The following ANKRD17 variants were observed in gnomAD, a reference collection of about 807,000 sequenced individuals.
ANKRD17 encodes ankyrin repeat domain 17.
Under a neutral mutation model 229.7 loss-of-function variants are expected in ANKRD17, and 19 were observed. That is an observed-to-expected ratio of 0.08 (90% CI 0.06 to 0.12). ANKRD17 has a LOEUF of 0.12. Among genes scored for constraint, ANKRD17 ranks in the 10% least tolerant of loss-of-function variants. The probability of loss-of-function intolerance (pLI) is 1.00; values close to 1 mark genes in which losing one functional copy is unlikely to be tolerated. For synonymous variants in ANKRD17, 1,112 were observed against 1,146.1 expected (o/e 0.97, Z 0.60); for missense variants, 2,176 against 3,176.8 (o/e 0.68, Z 7.57).
intron 7 of ANKRD17, among the ~76,000 whole-genome samples, chr4:73,151,227 A>C (rs1730964701): frequency 6.6e-6 from 1 of 152,166 alleles, no homozygotes; most frequent in African/African-American, 2.4e-5. Flanking sequence ...TGACTTTGGT[A>C]TAGTTATATG....
chr4:73,187,541 C>G (rs1736461423), intron 1 of ANKRD17, among the ~76,000 whole-genome samples: 1 of 152,188 alleles, frequency 6.6e-6, no homozygotes, highest in Admixed American at 6.5e-5. Context: ...ACTTCATCTC[C>G]TCCATTTACA....
intron 25 of ANKRD17, among the ~76,000 whole-genome samples, chr4:73,100,428 C>T (rs1723831678): frequency 6.6e-6 from 1 of 151,382 alleles, no homozygotes; most frequent in South Asian, 2.1e-4. Context: ...GGGGCTCTCC[C>T]TCTGGTTTCC....
intron 18 of ANKRD17, among the ~76,000 whole-genome samples, chr4:73,122,503 G>A (rs1235271635): frequency 6.6e-6 from 1 of 151,898 alleles, no homozygotes; most frequent in African/African-American, 2.4e-5. Context: ...AGTACTGATG[G>A]GCCATTCACA....
In ANKRD17 at chr4:73,098,589, T is replaced by C. The variant is rs1037033689; in HGVS notation, c.4574-69A>G. ...CAGAATGTATTTAGCTATAAGCACT[T>C]GAAGAAAAGAAAAACCCAGGAGAGA... On this transcript the variant is annotated intron_variant, in intron 25 of 33. Transcript: ENST00000358602. 4.9e-6 allele frequency: 7 copies of C among 1,432,260 alleles called. No homozygotes were observed. In the Admixed American group the frequency reaches 1.5e-4, roughly 31 times the overall value. The allele number at this position is 1,432,260 out of a possible 1,614,324, so 88.7% of individuals were successfully genotyped here. A position where few individuals can be genotyped will look rare whatever the true frequency, so the allele number is the denominator to read the frequency against.
At chr4:73,093,416 T>C (rs933822635) in intron 28 of ANKRD17, among the ~76,000 whole-genome samples, 3 of 151,060 alleles carry the variant, frequency 2.0e-5, no homozygotes, top group Non-Finnish European at 4.4e-5. Context: ...TCACTCTTGT[T>C]GCCCAGGCTG....
intron 1 of ANKRD17, among the ~76,000 whole-genome samples, chr4:73,204,221 C>T (rs548260778): frequency 4.6e-5 from 7 of 151,302 alleles, no homozygotes; most frequent in Non-Finnish European, 1.0e-4. Context: ...ATTAGCCAGG[C>T]GTGGTGGCGG....
intron 16 of ANKRD17, among the ~76,000 whole-genome samples, chr4:73,133,156 A>G (rs1183103775): frequency 6.6e-6 from 1 of 151,926 alleles, no homozygotes; most frequent in Admixed American, 6.6e-5. Flanking sequence ...AGGCTGAGGC[A>G]GGAGAATCGC....
At chr4:73,154,280 C>T (rs1731357251) in intron 5 of ANKRD17, among the ~76,000 whole-genome samples, 167 bp from the exon 6 acceptor site, 1 of 151,882 alleles carries the variant, frequency 6.6e-6, no homozygotes, top group Admixed American at 6.6e-5. Flanking sequence ...TCCTTTCCTA[C>T]TGCATTTTAT....
intron 8 of ANKRD17, among the ~76,000 whole-genome samples, chr4:73,148,599 A>G (rs549941562): frequency 2.0e-5 from 3 of 152,350 alleles, no homozygotes; most frequent in Admixed American, 2.0e-4. Flanking sequence ...CATATAGCAC[A>G]TGATGTCTCT....
intron 24 of ANKRD17, among the ~76,000 whole-genome samples, chr4:73,110,061 G>A (rs1384681333): frequency 1.6e-5 from 2 of 127,350 alleles, no homozygotes; most frequent in East Asian, 4.5e-4. Flanking sequence ...CTAAAATGAA[G>A]TGAAGGGGGT....
intron 5 of ANKRD17, 125 bp downstream of exon 5, chr4:73,155,506 G>T: frequency 1.0e-6 from 1 of 992,960 alleles, no homozygotes; most frequent in Non-Finnish European, 1.5e-6. Context: ...ACACAGATGT[G>T]TGAGAATATG....
intron 16 of ANKRD17, among the ~76,000 whole-genome samples, chr4:73,129,197 A>G (rs943320065): frequency 6.6e-6 from 1 of 152,222 alleles, no homozygotes; most frequent in Non-Finnish European, 1.5e-5. Flanking sequence ...TATATACACC[A>G]TTCTATACCA....
intron 1 of ANKRD17, among the ~76,000 whole-genome samples, chr4:73,256,117 T>C (rs1296133096): frequency 1.3e-5 from 2 of 152,318 alleles, no homozygotes; most frequent in East Asian, 3.9e-4. Context: ...CAGGATAAGG[T>C]ATGTTAAAAA....
At chr4:73,155,868 A>C in intron 4 of ANKRD17, 90 bp from the exon 5 acceptor site, 1 of 1,499,234 alleles carries the variant, frequency 6.7e-7, no homozygotes, top group African/African-American at 1.4e-5. Context: ...ACCTAGTCAT[A>C]GTAAAAGAGC....
chr4:73,084,805 C>T (rs1208683632), intron 30 of ANKRD17, among the ~76,000 whole-genome samples: 1 of 152,140 alleles, frequency 6.6e-6, no homozygotes, highest in East Asian at 1.9e-4. Flanking sequence ...GGGTAGAAAT[C>T]TTTCTCCTTG....
At chr4:73,145,073 A>C (rs1730082882) in intron 10 of ANKRD17, among the ~76,000 whole-genome samples, 1 of 152,198 alleles carries the variant, frequency 6.6e-6, no homozygotes, top group Non-Finnish European at 1.5e-5. Context: ...AATAATTTTA[A>C]ATTTGAAGTT....
At chr4:73,182,840 T>A (rs1360143638) in intron 1 of ANKRD17, among the ~76,000 whole-genome samples, 2 of 152,176 alleles carry the variant, frequency 1.3e-5, no homozygotes, top group Non-Finnish European at 2.9e-5. Context: ...TTTGGGGCTG[T>A]CTTGTGTAAT....
chr4:73,079,962 C>T (rs1320397735), intron 30 of ANKRD17, among the ~76,000 whole-genome samples: 5 of 151,938 alleles, frequency 3.3e-5, no homozygotes, highest in South Asian at 2.1e-4. Context: ...AAAAATTAGC[C>T]GGGCGTGGTG....
At chr4:73,228,836 A>G (rs973360644) in intron 1 of ANKRD17, among the ~76,000 whole-genome samples, 9 of 152,214 alleles carry the variant, frequency 5.9e-5, no homozygotes, top group Admixed American at 5.9e-4. Context: ...ATGCACACGT[A>G]TGTTTACTGC....
Sources: gnomAD v4.1 joint callset for allele counts (sites outside exome capture counted in the v4.1 genomes callset) on GRCh38, gnomAD v4.1.1 for gene constraint, MANE v1.5 for transcripts, NCBI Gene and HGNC (gene_info 2026-07-23, HGNC 2026-07-21) for gene names.